Variants in PLCL1 observed in about 807,000 individuals in gnomAD.
PLCL1 encodes the protein phospholipase C like 1 (inactive), also known as inactive phospholipase C-like protein 1.
PLCL1 carries 41 observed loss-of-function variants against 84.4 expected under a neutral mutation model. The observed-to-expected ratio is 0.49, with a 90% CI of 0.38 to 0.63. The LOEUF (loss-of-function observed/expected upper bound fraction) is 0.63. Ranked by LOEUF, PLCL1 falls within the 30% of genes least tolerant of loss-of-function variation. The pLI is 0.00. For missense variants in PLCL1, 1,206 were observed against 1,367.8 expected (o/e 0.88, Z 1.87); for synonymous variants, 490 against 488.3 (o/e 1.00, Z -0.05).
chr2:198,005,917 T>C (rs1326215446), intron 1 of PLCL1, among the ~76,000 whole-genome samples: 4 of 152,214 alleles, frequency 2.6e-5, no homozygotes, highest in Non-Finnish European at 5.9e-5. Flanking sequence ...AATGGGGACA[T>C]CCACATCTTG....
intron 1 of PLCL1, among the ~76,000 whole-genome samples, chr2:197,911,290 T>C (rs1012512953): frequency 7.2e-5 from 11 of 152,224 alleles, no homozygotes; most frequent in Non-Finnish European, 1.3e-4. Context: ...TGAGCTGTGA[T>C]AGTACCACTG....
intron 1 of PLCL1, among the ~76,000 whole-genome samples, chr2:197,991,482 G>A (rs886691443): frequency 6.6e-6 from 1 of 151,996 alleles, no homozygotes; most frequent in East Asian, 1.9e-4. Flanking sequence ...GGACAACTCT[G>A]ACAAATACAG....
chr2:197,890,701 T>TATATATATATATATATACAC (rs11270566), intron 1 of PLCL1, among the ~76,000 whole-genome samples: 155 of 118,532 alleles, frequency 1.3e-3, no homozygotes, highest in Middle Eastern at 0.01. Context: ...TATATATATA[T>TATATATATATATATATACAC]ACACACACAC....
intron 1 of PLCL1, among the ~76,000 whole-genome samples, chr2:197,965,463 C>G (rs1689707969): frequency 6.6e-6 from 1 of 151,820 alleles, no homozygotes; most frequent in South Asian, 2.1e-4. Flanking sequence ...TTTTCTTAAT[C>G]TGGCTAAAGT....
At chr2:198,134,916 T>C (rs547574403) in intron 5 of PLCL1, among the ~76,000 whole-genome samples, 2 of 152,336 alleles carry the variant, frequency 1.3e-5, no homozygotes, top group South Asian at 4.1e-4. Flanking sequence ...TGTTCTGGCA[T>C]GTTTGCAGAA....
intron 5 of PLCL1, among the ~76,000 whole-genome samples, chr2:198,118,236 T>C (rs1693790275): frequency 6.6e-6 from 1 of 151,926 alleles, no homozygotes; most frequent in Non-Finnish European, 1.5e-5. Flanking sequence ...ATATAGTCTT[T>C]GCTACTGAAT....
At position 198,068,798 on chromosome 2, in the gene PLCL1, G is replaced by T. The variant is rs558283050; in HGVS notation, c.241-14960G>T. Among the ~76,000 whole-genome samples, 17 of 152,314 alleles carry T rather than the reference G, an allele frequency of 1.1e-4. No homozygotes were observed. In the South Asian group the frequency reaches 3.5e-3, roughly 32 times the overall value. ...GCACTTTGGGAGGCCGAGGTGGACG[G>T]ATCATCTGAGGTCAGGAGTTCAAGA... On this transcript the variant is annotated intron_variant, in intron 1 of 5. Coordinates refer to ENST00000428675, the MANE Select transcript of PLCL1 (RefSeq NM_006226.4).
intron 1 of PLCL1, among the ~76,000 whole-genome samples, chr2:197,923,762 C>T (rs1335551822): frequency 4.6e-5 from 7 of 152,112 alleles, no homozygotes; most frequent in Non-Finnish European, 1.0e-4. Context: ...GGGTGGCGGC[C>T]GGGCAGAGGC....
intron 1 of PLCL1, among the ~76,000 whole-genome samples, chr2:197,975,134 C>T (rs887776886): frequency 1.2e-4 from 14 of 113,066 alleles, no homozygotes; most frequent in African/African-American, 2.9e-4. Flanking sequence ...GGCGACAGAG[C>T]GAGACTCCAT....
chr2:197,976,112 C>T (rs1414552047), intron 1 of PLCL1, among the ~76,000 whole-genome samples: 3 of 152,182 alleles, frequency 2.0e-5, no homozygotes, highest in Non-Finnish European at 2.9e-5. Flanking sequence ...CTTCACTCGT[C>T]GTCATTTCTT....
chr2:197,840,399 A>T (rs769461207), intron 1 of PLCL1, among the ~76,000 whole-genome samples: 1 of 152,116 alleles, frequency 6.6e-6, no homozygotes, highest in African/African-American at 2.4e-5. Context: ...TCAGTTTTAG[A>T]AATCTGCCTA....
At chr2:198,055,791 C>T (rs765618042) in intron 1 of PLCL1, among the ~76,000 whole-genome samples, 17 of 152,070 alleles carry the variant, frequency 1.1e-4, no homozygotes, top group Non-Finnish European at 2.2e-4. Context: ...ATGAAAGCTC[C>T]AGTGCTGTCA....
intron 1 of PLCL1, among the ~76,000 whole-genome samples, chr2:197,960,507 C>T (rs1689590589): frequency 6.6e-6 from 1 of 152,006 alleles, no homozygotes; most frequent in South Asian, 2.1e-4. Context: ...CAACACATGG[C>T]TTAAATTGAC....
chr2:198,067,418 G>A (rs750467650), intron 1 of PLCL1, among the ~76,000 whole-genome samples: 1 of 151,706 alleles, frequency 6.6e-6, no homozygotes, highest in Non-Finnish European at 1.5e-5. Flanking sequence ...ATGAGCCACC[G>A]CACCTGGCCT....
At chr2:198,018,851 C>T (rs986287064) in intron 1 of PLCL1, among the ~76,000 whole-genome samples, 33 of 152,310 alleles carry the variant, frequency 2.2e-4, no homozygotes, top group Admixed American at 1.2e-3. Context: ...AAGAGAGCAA[C>T]GGATCTCCCA....
chr2:197,995,531 C>T (rs184201317), intron 1 of PLCL1, among the ~76,000 whole-genome samples: 48 of 152,048 alleles, frequency 3.2e-4, no homozygotes, highest in Non-Finnish European at 5.9e-4. Context: ...TGGGGTGACC[C>T]AAGGTGGGTC....
chr2:198,002,863 T>C (rs902719095), intron 1 of PLCL1, among the ~76,000 whole-genome samples: 26 of 152,190 alleles, frequency 1.7e-4, no homozygotes. Context: ...AGCATCTGTT[T>C]TGTTTGGTTG....
At position 198,022,163 on chromosome 2, in the gene PLCL1, G is replaced by A. The variant is rs537327031; in HGVS notation, c.241-61595G>A. 2.4e-4 allele frequency among the ~76,000 whole-genome samples: 37 copies of A among 152,200 alleles called. No homozygotes were observed. In the South Asian group the frequency reaches 4.6e-3, roughly 19 times the overall value. ...TGATTATCTCAATAGATGCAGAAAC[G>A]CCCTTCAATAAAATTCAACACCCCT... is the stretch of plus-strand genomic sequence containing the variant. On this transcript the variant is annotated intron_variant, in intron 1 of 5. Coordinates refer to ENST00000428675, the MANE Select transcript of PLCL1 (RefSeq NM_006226.4).
chr2:197,878,952 G>A (rs1197293064), intron 1 of PLCL1, among the ~76,000 whole-genome samples: 1 of 152,218 alleles, frequency 6.6e-6, no homozygotes, highest in African/African-American at 2.4e-5. Context: ...TTAATAGGAA[G>A]ATTTCACATA....
Sources: gnomAD v4.1 joint callset for allele counts (sites outside exome capture counted in the v4.1 genomes callset) on GRCh38, gnomAD v4.1.1 for gene constraint, MANE v1.5 for transcripts, NCBI Gene and HGNC (gene_info 2026-07-23, HGNC 2026-07-21) for gene names.